Variants in SBSPON observed in about 807,000 individuals in gnomAD.
The protein encoded by SBSPON is somatomedin-B and thrombospondin type-1 domain-containing protein.
A neutral mutation model predicts 35.8 loss-of-function variants in SBSPON; 30 were observed. The observed-to-expected ratio is 0.84, with a 90% CI of 0.63 to 1.14. The LOEUF is 1.14. Among genes scored for constraint, SBSPON ranks in the 50% most tolerant of loss-of-function variants. The pLI is 0.00. For missense variants in SBSPON, 364 were observed against 357.7 expected (o/e 1.02, Z -0.14); for synonymous variants, 136 against 135.9 (o/e 1.00, Z 0.00).
At chr8:73,092,446 A>T (rs1810953510) in intron 1 of SBSPON, among the ~76,000 whole-genome samples, 1 of 152,156 alleles carries the variant, frequency 6.6e-6, no homozygotes. Flanking sequence ...AAGATCCCCG[A>T]GGGTTGACAG....
chr8:73,072,194 G>C (rs190017042), intron 2 of SBSPON, among the ~76,000 whole-genome samples: 2 of 151,630 alleles, frequency 1.3e-5, no homozygotes, highest in Non-Finnish European at 2.9e-5. Context: ...GAAAAAGTGA[G>C]ATAATAGAGA....
intron 2 of SBSPON, among the ~76,000 whole-genome samples, chr8:73,074,771 G>T (rs1810559774): frequency 1.3e-5 from 2 of 152,238 alleles, no homozygotes; most frequent in Admixed American, 6.5e-5. Flanking sequence ...CATGAGAGAG[G>T]TAAGGAGGCC....
chr8:73,084,871 TTG>T (rs1416871602), intron 1 of SBSPON, among the ~76,000 whole-genome samples: 5 of 152,112 alleles, frequency 3.3e-5, no homozygotes, highest in Admixed American at 3.3e-4. Context: ...TATTCATTTG[TTG>T]TGTTTATTAT....
intron 1 of SBSPON, among the ~76,000 whole-genome samples, chr8:73,087,572 C>A (rs192314122): frequency 4.9e-4 from 74 of 152,248 alleles, no homozygotes; most frequent in African/African-American, 1.5e-3. Flanking sequence ...TGTTCTGGTT[C>A]CTGTAAAGCC....
At position 73,068,937 on chromosome 8, in the gene SBSPON, A is replaced by G. The variant is rs374442758; in HGVS notation, c.677+868T>C. ...ATACGAAATTCAAATTTTAGGGTCC[A>G]TAAATAAAGTTTTGTTAGAACAAAT... On this transcript the variant is annotated intron_variant, in intron 4 of 4. Transcript: ENST00000297354. 6.6e-5 allele frequency among the ~76,000 whole-genome samples: 10 copies of G among 152,340 alleles called. 1 individual carries two copies. The highest frequency in any genetic ancestry group is 2.2e-4 in the African/African-American group (9 of 41,580).
chr8:73,069,501 C>A (rs1189860158), intron 4 of SBSPON, among the ~76,000 whole-genome samples: 1 of 152,112 alleles, frequency 6.6e-6, no homozygotes, highest in Admixed American at 6.6e-5. Context: ...AACTCCTGAG[C>A]TCAAGCAGTC....
At chr8:73,085,116 G>A (rs982640962) in intron 1 of SBSPON, among the ~76,000 whole-genome samples, 1 of 152,146 alleles carries the variant, frequency 6.6e-6, no homozygotes, top group Non-Finnish European at 1.5e-5. Context: ...GGAAGGAGAC[G>A]AGTGAATCAG....
chr8:73,084,707 T>A (rs1159082707), intron 1 of SBSPON, among the ~76,000 whole-genome samples: 2 of 151,836 alleles, frequency 1.3e-5, no homozygotes, highest in East Asian at 3.9e-4. Context: ...GGAGTCTTTT[T>A]CTGGCCAGCT....
chr8:73,067,315 G>A lies in SBSPON; in HGVS notation c.*26C>T. 8.2e-7 allele frequency: 1 copy of A among 1,222,800 alleles called. No homozygotes were observed. The highest frequency in any genetic ancestry group is 1.2e-6 in the Non-Finnish European group (1 of 824,744). 75.7% of individuals were successfully genotyped at this position (1,222,800 alleles called of 1,614,324 possible). A position where few individuals can be genotyped will look rare whatever the true frequency, so the allele number is the denominator to read the frequency against. ...GAGAATATTTAGAATGTTTACAAAT[G>A]CATTTGGAAATATTTATATCACCAT... On this transcript the variant is annotated 3_prime_UTR_variant, in exon 5 of 5. Transcript: ENST00000297354.
chr8:73,088,241 T>C (rs192753382), intron 1 of SBSPON, among the ~76,000 whole-genome samples: 2 of 152,288 alleles, frequency 1.3e-5, no homozygotes, highest in East Asian at 3.9e-4. Context: ...ACAATAATAA[T>C]AATGCATTTA....
At chr8:73,092,787 C>CCGG in intron 1 of SBSPON, 67 bp downstream of exon 1, 1 of 1,273,716 alleles carries the variant, frequency 7.9e-7, no homozygotes, top group Non-Finnish European at 1.1e-6. Context: ...CTTGGCACAG[C>CCGG]GCCCTGCCCT....
At chr8:73,073,399 A>T (rs1810533974) in intron 2 of SBSPON, among the ~76,000 whole-genome samples, 1 of 152,262 alleles carries the variant, frequency 6.6e-6, no homozygotes. Flanking sequence ...TGCAAAATAG[A>T]TGCTTGAAGC....
Position 73,066,981 on chromosome 8 carries a change from A to T in SBSPON, c.*360T>A, listed in dbSNP as rs1810401492. Reference sequence around the variant, plus strand: ...ATAGACTGCAAGGTTCAAAACATAGATCCCCTTAAATGACACTTCCGTCAC... The same window carrying T: ...ATAGACTGCAAGGTTCAAAACATAGTTCCCCTTAAATGACACTTCCGTCAC... On this transcript the variant is annotated 3_prime_UTR_variant, in exon 5 of 5. Coordinates refer to ENST00000297354, the MANE Select transcript of SBSPON (RefSeq NM_153225.4). 1 of 174,292 alleles carries T rather than the reference A, an allele frequency of 5.7e-6. No homozygotes were observed. The highest frequency in any genetic ancestry group is 5.6e-5 in the Admixed American group (1 of 17,804). The allele number at this position is 174,292 out of a possible 1,614,324, so 10.8% of individuals were successfully genotyped here.
intron 2 of SBSPON, chr8:73,074,585 TC>T: frequency 1.0e-6 from 1 of 984,192 alleles, no homozygotes; most frequent in Non-Finnish European, 1.2e-6. Context: ...CTCCACTGCC[TC>T]TGTAATAATA....
At chr8:73,072,770 C>T (rs1810521408) in intron 2 of SBSPON, among the ~76,000 whole-genome samples, 1 of 152,184 alleles carries the variant, frequency 6.6e-6, no homozygotes. Context: ...CTGCCCACCA[C>T]ATAGTATCAA....
intron 3 of SBSPON, among the ~76,000 whole-genome samples, 155 bp from the exon 4 acceptor site, chr8:73,070,136 G>A (rs865888558): frequency 2.6e-5 from 4 of 152,142 alleles, no homozygotes; most frequent in African/African-American, 7.2e-5. Context: ...CACCTTTAAG[G>A]TTTCTCATTC....
Position 73,093,040 on chromosome 8 carries a change from C to A in SBSPON, c.28G>T (p.Ala10Ser). ...GCCCCGGGCCACAGCCGCGACAGCG[C>A]GCACAGCGCCATCCACAGGGTCCTC... MRTLWMALC[A>S]LSRLWPGAQA... is the part of the protein sequence containing the mutation. Residue 10 changes from alanine to serine, a missense_variant, in exon 1 of 5, where the codon GCG (alanine) becomes TCG (serine). Transcript: ENST00000297354. 7.2e-7 allele frequency: 1 copy of A among 1,379,404 alleles called. No homozygotes were observed. The highest frequency in any genetic ancestry group is 1.8e-5 in the South Asian group (1 of 55,850). The allele number at this position is 1,379,404 out of a possible 1,614,324, so 85.4% of individuals were successfully genotyped here.
chr8:73,067,582 G>A (rs1402197912), intron 4 of SBSPON, 124 bp from the exon 5 acceptor site: 26 of 265,498 alleles, frequency 9.8e-5, no homozygotes, highest in Non-Finnish European at 1.3e-4. Context: ...GTGAAACCCC[G>A]TCTCTACTAT....
intron 1 of SBSPON, among the ~76,000 whole-genome samples, chr8:73,091,057 C>T (rs908213917): frequency 9.9e-5 from 15 of 152,214 alleles, no homozygotes; most frequent in African/African-American, 2.2e-4. Context: ...ATCCCTCTTA[C>T]GGGCCTGAAT....
Sources: allele counts gnomAD v4.1 joint callset (sites outside exome capture counted in the v4.1 genomes callset), GRCh38; gene constraint gnomAD v4.1.1; transcripts MANE v1.5; gene names NCBI Gene and HGNC (gene_info 2026-07-23, HGNC 2026-07-21).